Variants in GRK5 observed in about 807,000 individuals in gnomAD.
GRK5 encodes g protein-coupled receptor kinase GRK5.
Under a neutral mutation model 78.4 loss-of-function variants are expected in GRK5, and 40 were observed. The observed-to-expected ratio is 0.51, with a 90% CI of 0.40 to 0.66. The LOEUF (loss-of-function observed/expected upper bound fraction) is 0.66. Among genes scored for constraint, GRK5 ranks in the 30% least tolerant of loss-of-function variants. GRK5 has a pLI of 0.00. For missense variants in GRK5, 598 were observed against 759.9 expected (o/e 0.79, Z 2.50); for synonymous variants, 289 against 296.8 (o/e 0.97, Z 0.27).
intron 3 of GRK5, among the ~76,000 whole-genome samples, chr10:119,393,898 G>A (rs1285641741): frequency 6.6e-6 from 1 of 151,842 alleles, no homozygotes; most frequent in African/African-American, 2.4e-5. Flanking sequence ...ATGTGTGTGT[G>A]TAGGGGTGCG....
chr10:119,394,114 G>T (rs1554916167), intron 3 of GRK5, among the ~76,000 whole-genome samples: 3 of 31,928 alleles, frequency 9.4e-5, no homozygotes, highest in African/African-American at 3.3e-4. Flanking sequence ...TCTGTGTGGG[G>T]GGTGTGTGTG....
chr10:119,336,630 A>G lies in GRK5; in HGVS notation c.148+10019A>G. 6.6e-6 allele frequency among the ~76,000 whole-genome samples: 1 copy of G among 152,176 alleles called. No individual in the cohort carries two copies. Among genetic ancestry groups the G allele is most frequent in the East Asian group, 1.9e-4 (1 of 5,158 alleles). ...CCCCTGAGAGGATGATCAGAATCTC[A>G]CACGTCTTGGTGACCCAGTCCCCTT... On this transcript the variant is annotated intron_variant, in intron 2 of 15. Coordinates refer to ENST00000392870, the MANE Select transcript of GRK5 (RefSeq NM_005308.3). This position sits in a 1 kb window ranked among gnomAD's most constrained non-coding sequence, Gnocchi z 4.5.
Position 119,396,809 on chromosome 10 carries a change from G to T in GRK5, c.339+37G>T, listed in dbSNP as rs759467415. The T allele has an allele frequency of 2.0e-6, 3 of 1,520,356 alleles. 1 individual carries two copies. In the South Asian group the frequency reaches 3.4e-5, roughly 17 times the overall value. 94.2% of individuals were successfully genotyped at this position (1,520,356 alleles called of 1,614,324 possible). ...TCCAAACCCCACAGCAGGTGGCACAGGAGGCCTTATGCAAAAATAGGAGCC... is the reference window on the plus strand; with the variant it reads ...TCCAAACCCCACAGCAGGTGGCACATGAGGCCTTATGCAAAAATAGGAGCC... On this transcript the variant is annotated intron_variant, in intron 4 of 15. Coordinates refer to ENST00000392870, the MANE Select transcript of GRK5 (RefSeq NM_005308.3).
intron 9 of GRK5, among the ~76,000 whole-genome samples, chr10:119,437,337 A>G (rs909670094): frequency 6.6e-6 from 1 of 151,942 alleles, no homozygotes; most frequent in Non-Finnish European, 1.5e-5. Flanking sequence ...ACCCACCTCA[A>G]TCCCACAGGG....
At chr10:119,302,390 C>T (rs780471690) in intron 1 of GRK5, among the ~76,000 whole-genome samples, 8 of 151,994 alleles carry the variant, frequency 5.3e-5, no homozygotes, top group South Asian at 2.1e-4. Context: ...GCAGGCTCCT[C>T]GTATCTGGGT....
At chr10:119,364,780 G>A (rs1418217793) in intron 2 of GRK5, among the ~76,000 whole-genome samples, 3 of 152,300 alleles carry the variant, frequency 2.0e-5, no homozygotes, top group South Asian at 2.1e-4. Context: ...ATGCAGGTGC[G>A]CAGAAGGAAA....
rs569102556 is a variant in GRK5, at chr10:119,353,626, C to T, written c.148+27015C>T. Among the ~76,000 whole-genome samples, 25 of 152,298 alleles carry T rather than the reference C, an allele frequency of 1.6e-4. 1 individual carries two copies. The South Asian group carries it at 1.7e-3, about 10-fold the overall frequency. On this transcript the variant is annotated intron_variant, in intron 2 of 15. Coordinates refer to ENST00000392870, the MANE Select transcript of GRK5 (RefSeq NM_005308.3). ...CAGTAGGTTCAGCTGCGGCCTCTGG[C>T]AGCAAAGGCTGGGTGGAGTGAGGTG...
chr10:119,335,171 T>TCTCTCTCTCC (rs1564895394), intron 2 of GRK5, among the ~76,000 whole-genome samples: 2 of 126,968 alleles, frequency 1.6e-5, no homozygotes, highest in Non-Finnish European at 1.6e-5. Flanking sequence ...TCTCTCTCTC[T>TCTCTCTCTCC]CTCTCCCCCT....
chr10:119,396,849 A>G, intron 4 of GRK5, 77 bp downstream of exon 4: 6 of 1,095,320 alleles, frequency 5.5e-6, no homozygotes, highest in Non-Finnish European at 8.4e-6. Flanking sequence ...AGTCTGTGCC[A>G]GGCCACATGG....
rs1303004484 is a variant in GRK5 at position 119,379,369 on chromosome 10, A to G, written c.149-1446A>G. Among the ~76,000 whole-genome samples, 2 of 152,072 alleles carry G rather than the reference A, an allele frequency of 1.3e-5. No individual in the cohort carries two copies. Among genetic ancestry groups the G allele is most frequent in the African/African-American group, 2.4e-5 (1 of 41,410 alleles). On this transcript the variant is annotated intron_variant, in intron 2 of 15. Transcript: ENST00000392870. This position sits in a 1 kb window ranked among gnomAD's most constrained non-coding sequence, Gnocchi z 4.1. The stretch of plus-strand genomic sequence containing the variant: ...GTTTAGCTCCAGAGCCCACACTGAC[A>G]CTCACAGCTACCACGAGATCCTCCC...
intron 4 of GRK5, among the ~76,000 whole-genome samples, chr10:119,404,669 C>T (rs1852204807): frequency 6.6e-6 from 1 of 152,200 alleles, no homozygotes; most frequent in Non-Finnish European, 1.5e-5. Context: ...GCCCCATGAC[C>T]CGGTCTTCCT....
At chr10:119,313,476 C>A (rs972669421) in intron 1 of GRK5, among the ~76,000 whole-genome samples, 1 of 152,118 alleles carries the variant, frequency 6.6e-6, no homozygotes, top group Non-Finnish European at 1.5e-5. Flanking sequence ...AGCAGTGTCT[C>A]AGTTTGCAGG....
At chr10:119,274,241 A>G (rs1238745364) in intron 1 of GRK5, among the ~76,000 whole-genome samples, 1 of 152,144 alleles carries the variant, frequency 6.6e-6, no homozygotes. Context: ...ACCCGGTGAC[A>G]TGGGAGACTG....
chr10:119,386,761 G>T (rs778764096), intron 3 of GRK5, among the ~76,000 whole-genome samples: 4 of 152,164 alleles, frequency 2.6e-5, no homozygotes, highest in Non-Finnish European at 5.9e-5. Context: ...AGTTTTCCAG[G>T]GCTGGCGTAA....
rs1589677712 is a variant in GRK5, at chr10:119,207,665, T to G, written c.-253T>G. On this transcript the variant is annotated 5_prime_UTR_variant, in exon 1 of 16. Coordinates refer to ENST00000392870, the MANE Select transcript of GRK5 (RefSeq NM_005308.3). ...GGAGGGTGGGGGGTGGGGGGGAGCG[T>G]GTTGAGGGAGGGGGGAGGGGGGACA... 29 of 194,920 alleles carry G rather than the reference T, an allele frequency of 1.5e-4. No homozygotes were observed. The highest frequency in any genetic ancestry group is 1.2e-3 in the Middle Eastern group (1 of 818). 12.1% of individuals were successfully genotyped at this position (194,920 alleles called of 1,614,324 possible).
At chr10:119,235,528 C>T (rs920836425) in intron 1 of GRK5, among the ~76,000 whole-genome samples, 2 of 152,012 alleles carry the variant, frequency 1.3e-5, no homozygotes, top group African/African-American at 4.8e-5. Flanking sequence ...AGTCTGGGAC[C>T]AGTTGTTTTT....
chr10:119,237,640 T>C (rs551546907), intron 1 of GRK5, among the ~76,000 whole-genome samples: 15 of 151,894 alleles, frequency 9.9e-5, no homozygotes, highest in Non-Finnish European at 1.9e-4. Context: ...AGCTACTTGA[T>C]AGAAGTATTC....
intron 4 of GRK5, among the ~76,000 whole-genome samples, chr10:119,401,249 C>T (rs896486387): frequency 1.6e-4 from 25 of 152,212 alleles, no homozygotes; most frequent in African/African-American, 4.3e-4. Context: ...AATGCCTATG[C>T]CTTGAGCTCC....
intron 6 of GRK5, among the ~76,000 whole-genome samples, chr10:119,425,868 T>C (rs919764596): frequency 2.0e-5 from 3 of 152,234 alleles, no homozygotes; most frequent in Non-Finnish European, 4.4e-5. Flanking sequence ...AAGCAGAACA[T>C]AGGACCTGAC....
Sources: gnomAD v4.1 joint callset for allele counts (sites outside exome capture counted in the v4.1 genomes callset) on GRCh38, gnomAD v4.1.1 for gene constraint, Gnocchi (gnomAD v3.1) non-coding constraint, MANE v1.5 for transcripts, NCBI Gene and HGNC (gene_info 2026-07-23, HGNC 2026-07-21) for gene names.